The following MRPL1 variants were observed in gnomAD, a reference collection of about 807,000 sequenced individuals.
MRPL1 encodes the protein mitochondrial ribosomal protein L1.
MRPL1 carries 28 observed loss-of-function variants against 38.0 expected under a neutral mutation model. The observed-to-expected ratio is 0.74, with a 90% CI of 0.55 to 1.01. The LOEUF is 1.01. Ranked by LOEUF, MRPL1 falls within the 50% of genes least tolerant of loss-of-function variation. The probability of loss-of-function intolerance (pLI) is 0.00; values close to 1 mark genes in which losing one functional copy is unlikely to be tolerated. For missense variants in MRPL1, 358 were observed against 389.8 expected (o/e 0.92, Z 0.69); for synonymous variants, 123 against 126.7 (o/e 0.97, Z 0.20).
At chr4:77,902,139 A>G (rs1374946241) in intron 6 of MRPL1, among the ~76,000 whole-genome samples, 1 of 152,222 alleles carries the variant, frequency 6.6e-6, no homozygotes, top group Non-Finnish European at 1.5e-5. Flanking sequence ...CTTAAACTGA[A>G]TGATACTGAA....
At chr4:77,866,331 C>T (rs1429583069) in intron 1 of MRPL1, among the ~76,000 whole-genome samples, 2 of 152,180 alleles carry the variant, frequency 1.3e-5, no homozygotes, top group African/African-American at 4.8e-5. Context: ...GGATTACAGG[C>T]GTGAGCCACC....
chr4:77,864,605 C>T (rs529655954), intron 1 of MRPL1: 32 of 152,226 alleles, frequency 2.1e-4, no homozygotes, highest in African/African-American at 7.2e-4. Context: ...CTGAAATATA[C>T]GTTTTCCTCA....
intron 6 of MRPL1, among the ~76,000 whole-genome samples, chr4:77,895,170 G>A (rs1735884358): frequency 1.3e-5 from 2 of 152,104 alleles, no homozygotes; most frequent in Admixed American, 1.3e-4. Flanking sequence ...GACATAATCT[G>A]TTCTTTAGAG....
chr4:77,906,603 T>C (rs1416039438), intron 6 of MRPL1, among the ~76,000 whole-genome samples: 2 of 152,092 alleles, frequency 1.3e-5, no homozygotes, highest in African/African-American at 2.4e-5. Flanking sequence ...TGGCCTTTGT[T>C]AGGGGCATAG....
intron 7 of MRPL1, among the ~76,000 whole-genome samples, chr4:77,931,809 T>A (rs1302470236): frequency 6.6e-6 from 1 of 152,184 alleles, no homozygotes; most frequent in African/African-American, 2.4e-5. Context: ...CATAAACAGA[T>A]GTTGGCTAGC....
intron 7 of MRPL1, 131 bp from the exon 8 acceptor site, chr4:77,949,666 G>GT: frequency 1.9e-6 from 1 of 526,734 alleles, no homozygotes; most frequent in Non-Finnish European, 3.3e-6. Context: ...AGCTATAGAG[G>GT]TTTTCCCCTT....
At chr4:77,914,912 T>G (rs1736385792) in intron 7 of MRPL1, among the ~76,000 whole-genome samples, 1 of 152,186 alleles carries the variant, frequency 6.6e-6, no homozygotes, top group Non-Finnish European at 1.5e-5. Context: ...GTGGCCTGTT[T>G]TTGTATAGCC....
intron 7 of MRPL1, among the ~76,000 whole-genome samples, chr4:77,943,191 G>T (rs1379443389): frequency 6.6e-6 from 1 of 151,780 alleles, no homozygotes; most frequent in Non-Finnish European, 1.5e-5. Context: ...TTTTTAAGGA[G>T]GCTGAAGATG....
intron 7 of MRPL1, among the ~76,000 whole-genome samples, chr4:77,915,154 T>TA (rs1736391554): frequency 6.6e-6 from 1 of 152,196 alleles, no homozygotes. Context: ...TGTTCTGTGT[T>TA]ACGATTCTGC....
At chr4:77,896,610 C>T (rs950006294) in intron 6 of MRPL1, among the ~76,000 whole-genome samples, 2 of 152,162 alleles carry the variant, frequency 1.3e-5, no homozygotes, top group Non-Finnish European at 2.9e-5. Context: ...CCCCCTATAT[C>T]CAACAAAAGT....
At chr4:77,949,997 A>T in intron 8 of MRPL1, 119 bp downstream of exon 8, 1 of 506,874 alleles carries the variant, frequency 2.0e-6, no homozygotes, top group Non-Finnish European at 3.5e-6. Context: ...AATATTAAAT[A>T]AAAAATCAAG....
At chr4:77,911,446 A>G (rs889076784) in intron 7 of MRPL1, among the ~76,000 whole-genome samples, 1 of 140,846 alleles carries the variant, frequency 7.1e-6, no homozygotes, top group South Asian at 2.3e-4. Flanking sequence ...TCTTAATGAA[A>G]AAGAAATTAT....
At chr4:77,924,566 T>G (rs1736664494) in intron 7 of MRPL1, among the ~76,000 whole-genome samples, 1 of 152,168 alleles carries the variant, frequency 6.6e-6, no homozygotes, top group Non-Finnish European at 1.5e-5. Flanking sequence ...CCTCATGCCT[T>G]TCATTCCTTT....
chr4:77,866,965 C>G (rs1197155499), intron 1 of MRPL1, among the ~76,000 whole-genome samples: 2 of 152,020 alleles, frequency 1.3e-5, no homozygotes, highest in Admixed American at 1.3e-4. Context: ...CCAGGCTGGT[C>G]TCGACCTCCT....
At chr4:77,923,881 AT>A (rs1736646452) in intron 7 of MRPL1, among the ~76,000 whole-genome samples, 2 of 152,108 alleles carry the variant, frequency 1.3e-5, no homozygotes. Context: ...AAGCAGGAGA[AT>A]CGGTTGAACC....
chr4:77,909,394 C>A (rs766566174), intron 7 of MRPL1, 22 bp downstream of exon 7: 7 of 1,310,590 alleles, frequency 5.3e-6, no homozygotes, highest in South Asian at 5.0e-5. Flanking sequence ...TGAAAATTAT[C>A]AAATAATCCT....
Position 77,916,897 on chromosome 4 carries a change from A to C in MRPL1, c.777+7525A>C, listed in dbSNP as rs1736435661. On this transcript the variant is annotated intron_variant, in intron 7 of 8. Transcript: ENST00000315567. ...ATATGAATTCCCAAATTACTTTCTA[A>C]AATGTTTATACTAATTTATCATTAT... is the stretch of plus-strand genomic sequence containing the variant. 2.0e-5 allele frequency among the ~76,000 whole-genome samples: 3 copies of C among 152,310 alleles called. No individual in the cohort carries two copies. The South Asian group carries it at 6.2e-4, about 32-fold the overall frequency.
At chr4:77,923,144 G>T (rs1386441076) in intron 7 of MRPL1, among the ~76,000 whole-genome samples, 1 of 152,070 alleles carries the variant, frequency 6.6e-6, no homozygotes, top group African/African-American at 2.4e-5. Context: ...CTCCCAGGCT[G>T]GAGTGCAGTG....
intron 7 of MRPL1, among the ~76,000 whole-genome samples, chr4:77,920,170 A>C (rs1435555146): frequency 1.3e-5 from 2 of 152,240 alleles, no homozygotes; most frequent in South Asian, 2.1e-4. Flanking sequence ...AACTTGGTAG[A>C]ATTTGCCACA....
Sources: gnomAD v4.1 joint callset for allele counts (sites outside exome capture counted in the v4.1 genomes callset) on GRCh38, gnomAD v4.1.1 for gene constraint, MANE v1.5 for transcripts, NCBI Gene and HGNC (gene_info 2026-07-23, HGNC 2026-07-21) for gene names.